The following WWOX variants were observed in gnomAD, a reference collection of about 807,000 sequenced individuals.
WWOX encodes WW domain-containing oxidoreductase.
WWOX carries 69 observed loss-of-function variants against 46.2 expected under a neutral mutation model. That is an observed-to-expected ratio of 1.49 (90% CI 1.23 to 1.82). The LOEUF is 1.82. WWOX is among the 40% of genes most tolerant of loss of function. The probability of loss-of-function intolerance (pLI) is 0.00; values close to 1 mark genes in which losing one functional copy is unlikely to be tolerated. For missense variants in WWOX, 919 were observed against 542.6 expected (o/e 1.69, Z -6.89); for synonymous variants, 359 against 202.6 (o/e 1.77, Z -6.56).
intron 8 of WWOX, among the ~76,000 whole-genome samples, chr16:78,713,098 T>A (rs1477786753): frequency 6.6e-6 from 1 of 151,362 alleles, no homozygotes; most frequent in Non-Finnish European, 1.5e-5. Context: ...AGGGAGACCC[T>A]CATCTCTACA....
intron 8 of WWOX, among the ~76,000 whole-genome samples, chr16:78,802,421 A>G (rs537993406): frequency 3.3e-5 from 5 of 152,044 alleles, no homozygotes; most frequent in Non-Finnish European, 7.4e-5. Context: ...AAGCAAGTGT[A>G]TTTAAATAAA....
intron 5 of WWOX, among the ~76,000 whole-genome samples, chr16:78,195,315 C>G (rs1294972610): frequency 1.3e-5 from 2 of 152,180 alleles, no homozygotes; most frequent in Non-Finnish European, 2.9e-5. Flanking sequence ...CAGTTCTACC[C>G]TAAGACCATG....
intron 6 of WWOX, among the ~76,000 whole-genome samples, chr16:78,395,894 A>G (rs946449527): frequency 6.6e-6 from 1 of 152,040 alleles, no homozygotes; most frequent in Non-Finnish European, 1.5e-5. Context: ...TGACATGACT[A>G]TGTCTGTTCC....
At chr16:78,149,639 T>C (rs2034328726) in intron 4 of WWOX, among the ~76,000 whole-genome samples, 1 of 152,142 alleles carries the variant, frequency 6.6e-6, no homozygotes, top group South Asian at 2.1e-4. Context: ...TCTCCCTCTT[T>C]CCGGACAGCT....
At chr16:78,399,758 T>TAACC (rs1343105074) in intron 6 of WWOX, among the ~76,000 whole-genome samples, 1 of 152,150 alleles carries the variant, frequency 6.6e-6, no homozygotes, top group East Asian at 1.9e-4. Context: ...CTTAGCATCC[T>TAACC]AACCACCCTC....
At position 79,150,239 on chromosome 16, in the gene WWOX, A is replaced by G. The variant is rs78092310; in HGVS notation, c.1057-61369A>G. ...CCATAGATTCATGGAACTGTCAAAG[A>G]GCAGCACTGAACTTTGTACTCAATG... On this transcript the variant is annotated intron_variant, in intron 8 of 8. Transcript: ENST00000566780. Among the ~76,000 whole-genome samples, 1,382 of 152,336 alleles carry G rather than the reference A, an allele frequency of 9.1e-3. 20 individuals are homozygous for G. The highest frequency in any genetic ancestry group is 0.032 in the African/African-American group (1,318 of 41,576).
intron 8 of WWOX, among the ~76,000 whole-genome samples, chr16:79,093,380 A>G (rs2049003658): frequency 6.6e-6 from 1 of 152,184 alleles, no homozygotes; most frequent in Non-Finnish European, 1.5e-5. Context: ...AGTCCTTTCA[A>G]TTATGAGATC....
intron 8 of WWOX, among the ~76,000 whole-genome samples, chr16:78,763,493 G>A (rs1032807525): frequency 6.6e-6 from 1 of 152,108 alleles, no homozygotes; most frequent in Non-Finnish European, 1.5e-5. Context: ...GCACTTTTTG[G>A]GGGAGAGAAA....
intron 8 of WWOX, among the ~76,000 whole-genome samples, chr16:78,547,705 C>A (rs1216789927): frequency 1.3e-5 from 2 of 152,162 alleles, no homozygotes; most frequent in South Asian, 4.1e-4. Context: ...CCTAGATGTT[C>A]ACCTCCTTGC....
chr16:78,409,702 A>G (rs1055332788), intron 6 of WWOX, among the ~76,000 whole-genome samples: 1 of 152,214 alleles, frequency 6.6e-6, no homozygotes, highest in African/African-American at 2.4e-5. Context: ...TCATTGGGCT[A>G]AAATTAAGGT....
At chr16:78,883,762 A>G (rs563051724) in intron 8 of WWOX, among the ~76,000 whole-genome samples, 1 of 152,164 alleles carries the variant, frequency 6.6e-6, no homozygotes, top group East Asian at 1.9e-4. Flanking sequence ...CAATAAGCGT[A>G]CCATGGTCAT....
intron 8 of WWOX, among the ~76,000 whole-genome samples, chr16:79,188,182 A>G (rs1272055354): frequency 1.3e-5 from 2 of 152,210 alleles, no homozygotes; most frequent in Non-Finnish European, 2.9e-5. Flanking sequence ...CGAAGCAGAG[A>G]TGGGAGAAGG....
rs750069627 is a variant in WWOX, at chr16:78,500,410, TTCC to T, written c.1056+67660_1056+67662del. 8.8e-3 allele frequency among the ~76,000 whole-genome samples: 1,336 copies of T among 152,260 alleles called. 19 individuals are homozygous for T. Among genetic ancestry groups the T allele is most frequent in the African/African-American group, 0.03 (1,257 of 41,548 alleles). Reference sequence around the variant, plus strand: ...CTTCCTTCCTCCTTTTCTTCTTTCCTTCCTTCCTTCCTTTTTCCCTTCATCTAT... The same window carrying T: ...CTTCCTTCCTCCTTTTCTTCTTTCCTTTCCTTCCTTTTTCCCTTCATCTAT... On this transcript the variant is annotated intron_variant, in intron 8 of 8. Transcript: ENST00000566780.
intron 8 of WWOX, among the ~76,000 whole-genome samples, chr16:78,755,151 C>T (rs2049610190): frequency 6.7e-6 from 1 of 149,822 alleles, no homozygotes; most frequent in South Asian, 2.1e-4. Context: ...ACCACCATGG[C>T]ACATGTACAC....
intron 8 of WWOX, among the ~76,000 whole-genome samples, chr16:78,727,888 C>G (rs1157492880): frequency 6.6e-6 from 1 of 151,912 alleles, no homozygotes; most frequent in Non-Finnish European, 1.5e-5. Context: ...TAGTAGTTAT[C>G]CAGGACCCAA....
chr16:79,069,399 G>C (rs1384170992), intron 8 of WWOX, among the ~76,000 whole-genome samples: 2 of 152,120 alleles, frequency 1.3e-5, no homozygotes, highest in Non-Finnish European at 2.9e-5. Context: ...TTGACAGACA[G>C]GACCTTTTTG....
At chr16:78,132,133 T>C (rs1359013289) in intron 4 of WWOX, among the ~76,000 whole-genome samples, 1 of 151,138 alleles carries the variant, frequency 6.6e-6, no homozygotes, top group Non-Finnish European at 1.5e-5. Flanking sequence ...CACGCCATTC[T>C]CCTGCCTCAG....
intron 8 of WWOX, among the ~76,000 whole-genome samples, chr16:79,003,211 T>C (rs1187249927): frequency 6.6e-6 from 1 of 152,220 alleles, no homozygotes; most frequent in African/African-American, 2.4e-5. Flanking sequence ...GAATCAGACA[T>C]GGATAAGCTG....
chr16:78,159,659 T>C (rs2034718745), intron 4 of WWOX, among the ~76,000 whole-genome samples: 1 of 149,534 alleles, frequency 6.7e-6, no homozygotes, highest in Non-Finnish European at 1.5e-5. Flanking sequence ...TTTGCTTGTT[T>C]TTAAAATCTG....
Sources: gnomAD v4.1 joint callset for allele counts (sites outside exome capture counted in the v4.1 genomes callset) on GRCh38, gnomAD v4.1.1 for gene constraint, MANE v1.5 for transcripts, NCBI Gene and HGNC (gene_info 2026-07-23, HGNC 2026-07-21) for gene names.